Variants in SRPK2 observed in about 807,000 individuals in gnomAD.
SRPK2 encodes SRSF protein kinase 2.
A neutral mutation model predicts 90.8 loss-of-function variants in SRPK2; 21 were observed. That is an observed-to-expected ratio of 0.23 (90% CI 0.16 to 0.33). The LOEUF (loss-of-function observed/expected upper bound fraction) is 0.33. SRPK2 is among the 10% of genes least tolerant of loss of function. SRPK2 has a pLI of 1.00. For missense variants in SRPK2, 620 were observed against 869.0 expected, an observed-to-expected ratio of 0.71 and a Z score of 3.60; for synonymous variants, 288 against 311.1, an observed-to-expected ratio of 0.93 and a Z score of 0.78.
At chr7:105,303,083 G>A (rs1271362337) in intron 2 of SRPK2, among the ~76,000 whole-genome samples, 1 of 151,844 alleles carries the variant, frequency 6.6e-6, no homozygotes, top group Non-Finnish European at 1.5e-5. Context: ...CAAAAAAAAA[G>A]GTGGGGGGGA....
At chr7:105,301,222 T>A (rs182931832) in intron 2 of SRPK2, among the ~76,000 whole-genome samples, 1,834 of 149,374 alleles carry the variant, frequency 0.012, 21 homozygotes, top group Admixed American at 0.015. Flanking sequence ...GGCAGGCGGA[T>A]CATGAGGTCA....
At chr7:105,370,338 C>T (rs966476883) in intron 2 of SRPK2, among the ~76,000 whole-genome samples, 1 of 152,164 alleles carries the variant, frequency 6.6e-6, no homozygotes, top group South Asian at 2.1e-4. Context: ...TCCAGAGACA[C>T]ATCTAAATTT....
intron 2 of SRPK2, among the ~76,000 whole-genome samples, chr7:105,318,912 T>G (rs542225749): frequency 6.6e-6 from 1 of 152,190 alleles, no homozygotes; most frequent in Non-Finnish European, 1.5e-5. Context: ...TTCCAAAGAA[T>G]AGAGAGTCAC....
At chr7:105,133,270 C>T (rs1802292964) in intron 11 of SRPK2, among the ~76,000 whole-genome samples, 166 bp from the exon 12 acceptor site, 1 of 152,170 alleles carries the variant, frequency 6.6e-6, no homozygotes, top group Admixed American at 6.6e-5. Flanking sequence ...TGCTTGTTCT[C>T]CACCTCTGGA....
At chr7:105,383,710 G>A (rs1415162793) in intron 2 of SRPK2, among the ~76,000 whole-genome samples, 1 of 152,042 alleles carries the variant, frequency 6.6e-6, no homozygotes, top group Non-Finnish European at 1.5e-5. Flanking sequence ...GAGCCACCAC[G>A]CCTGGCCAGA....
intron 2 of SRPK2, among the ~76,000 whole-genome samples, chr7:105,319,604 T>C (rs1056232721): frequency 4.8e-5 from 7 of 147,208 alleles, no homozygotes; most frequent in East Asian, 2.1e-4. Flanking sequence ...AAATATGGCC[T>C]GAGAAGGACT....
chr7:105,150,614 T>G (rs182774190), intron 7 of SRPK2, among the ~76,000 whole-genome samples: 1 of 152,232 alleles, frequency 6.6e-6, no homozygotes, highest in African/African-American at 2.4e-5. Context: ...GGTTATACTT[T>G]TGAAGGAAAC....
chr7:105,170,912 A>AAAGAAAGGAAGG (rs1563026031), intron 3 of SRPK2, among the ~76,000 whole-genome samples: 1 of 123,566 alleles, frequency 8.1e-6, no homozygotes, highest in African/African-American at 3.3e-5. Context: ...AGAAAGAAAG[A>AAAGAAAGGAAGG]AAGGAGAAAG....
chr7:105,183,491 A>G (rs1793157227), intron 3 of SRPK2, among the ~76,000 whole-genome samples: 1 of 151,558 alleles, frequency 6.6e-6, no homozygotes, highest in African/African-American at 2.4e-5. Flanking sequence ...TTGTTTGTCT[A>G]TTTTTGTTTT....
At chr7:105,344,356 T>C (rs1323920671) in intron 2 of SRPK2, among the ~76,000 whole-genome samples, 1 of 142,730 alleles carries the variant, frequency 7.0e-6, no homozygotes, top group Admixed American at 7.1e-5. Context: ...CAAGTGATCC[T>C]CCCACCTCAG....
At chr7:105,208,325 G>C (rs1796451839) in intron 2 of SRPK2, among the ~76,000 whole-genome samples, 1 of 152,078 alleles carries the variant, frequency 6.6e-6, no homozygotes, top group Non-Finnish European at 1.5e-5. Context: ...CATATATCCA[G>C]CAAAATCTCA....
chr7:105,378,046 C>A (rs1820514184), intron 2 of SRPK2, among the ~76,000 whole-genome samples: 1 of 152,114 alleles, frequency 6.6e-6, no homozygotes, highest in Admixed American at 6.6e-5. Flanking sequence ...CTTCGTTTGA[C>A]TTCCTCAGAG....
chr7:105,376,841 C>A (rs28427071), intron 2 of SRPK2, among the ~76,000 whole-genome samples: 7 of 98,138 alleles, frequency 7.1e-5, no homozygotes, highest in South Asian at 4.7e-4. Flanking sequence ...CCCGCCCCCC[C>A]ACCCCCCTTT....
intron 2 of SRPK2, among the ~76,000 whole-genome samples, chr7:105,283,358 C>T (rs1395189766): frequency 2.0e-5 from 3 of 152,146 alleles, no homozygotes; most frequent in African/African-American, 7.2e-5. Context: ...TTCACAGCAG[C>T]ATTACTCATA....
At chr7:105,331,499 TTC>T (rs1814402537) in intron 2 of SRPK2, among the ~76,000 whole-genome samples, 1 of 151,924 alleles carries the variant, frequency 6.6e-6, no homozygotes, top group Non-Finnish European at 1.5e-5. Context: ...AAAAAATAAT[TTC>T]TGAGTAAAGA....
At chr7:105,343,266 T>C (rs1160907717) in intron 2 of SRPK2, among the ~76,000 whole-genome samples, 3 of 152,068 alleles carry the variant, frequency 2.0e-5, no homozygotes, top group Non-Finnish European at 4.4e-5. Context: ...AAACCCCATC[T>C]TTACAAAAAA....
At chr7:105,167,246 A>G (rs1053478762) in intron 6 of SRPK2, 131 bp downstream of exon 6, 33 of 682,682 alleles carry the variant, frequency 4.8e-5, no homozygotes, top group Middle Eastern at 3.6e-4. Flanking sequence ...GGACCACTTC[A>G]TAATACTTGA....
At position 105,145,104 on chromosome 7, in the gene SRPK2, T is replaced by A. The variant is rs537395247; in HGVS notation, c.813+179A>T. On this transcript the variant is annotated intron_variant, in intron 9 of 15. Transcript: ENST00000393651. ...CCTGAGCAACAGAGTGAAACTCAGT[T>A]TTCAAAAAAAAAAAAAAAAAAAATT... 5.4e-3 allele frequency among the ~76,000 whole-genome samples: 446 copies of A among 82,030 alleles called. 14 individuals carry two copies. In the East Asian group the frequency reaches 0.067, roughly 12 times the overall value. The allele number at this position is 82,030 out of a possible 152,430, so 53.8% of individuals were successfully genotyped here. A position where few individuals can be genotyped will look rare whatever the true frequency, so the allele number is the denominator to read the frequency against.
chr7:105,391,198 T>C (rs1822173263), upstream of SRPK2, among the ~76,000 whole-genome samples: 1 of 151,578 alleles, frequency 6.6e-6, no homozygotes, highest in Non-Finnish European at 1.5e-5. Context: ...ATTTATTTAT[T>C]TATTTATTTA....
Sources: allele counts gnomAD v4.1 joint callset (sites outside exome capture counted in the v4.1 genomes callset), GRCh38; gene constraint gnomAD v4.1.1; transcripts MANE v1.5; gene names NCBI Gene and HGNC (gene_info 2026-07-23, HGNC 2026-07-21).